HDAC9: variants seen among roughly 807,000 people sequenced by gnomAD.
HDAC9 encodes histone deacetylase 9, also known as MEF-2 interacting transcription repressor (MITR) protein.
HDAC9 carries 41 observed loss-of-function variants against 139.4 expected under a neutral mutation model. That is an observed-to-expected ratio of 0.29 (90% CI 0.23 to 0.38). The LOEUF (loss-of-function observed/expected upper bound fraction) is 0.38, where lower values mean the gene tolerates loss of function less well. Ranked by LOEUF, HDAC9 falls within the 10% of genes least tolerant of loss-of-function variation. HDAC9 has a pLI of 1.00. For missense variants in HDAC9, 1,147 were observed against 1,297.0 expected, an observed-to-expected ratio of 0.88 and a Z score of 1.78; for synonymous variants, 517 against 476.2, an observed-to-expected ratio of 1.09 and a Z score of -1.12.
At chr7:18,156,443 C>T (rs558376421) in intron 1 of HDAC9, among the ~76,000 whole-genome samples, 2 of 152,268 alleles carry the variant, frequency 1.3e-5, no homozygotes, top group East Asian at 1.9e-4. Context: ...TGATCCAAAT[C>T]CAAGGACTAT....
chr7:18,959,864 G>A (rs551858980), intron 24 of HDAC9, among the ~76,000 whole-genome samples: 1 of 152,214 alleles, frequency 6.6e-6, no homozygotes, highest in East Asian at 1.9e-4. Flanking sequence ...AAGGCAAAAT[G>A]GTGGCACAGG....
chr7:18,850,980 T>C (rs1797245944), intron 21 of HDAC9, among the ~76,000 whole-genome samples: 1 of 152,138 alleles, frequency 6.6e-6, no homozygotes, highest in Non-Finnish European at 1.5e-5. Context: ...CCTCCTAATA[T>C]CCGTCTGGGT....
chr7:18,735,890 TG>T (rs1786842959), intron 13 of HDAC9, among the ~76,000 whole-genome samples: 2 of 152,360 alleles, frequency 1.3e-5, no homozygotes, highest in South Asian at 2.1e-4. Context: ...TCCATTTGTT[TG>T]CATCCTCTCC....
intron 2 of HDAC9, among the ~76,000 whole-genome samples, chr7:18,172,177 G>A (rs1050093035): frequency 6.6e-5 from 10 of 152,142 alleles, no homozygotes; most frequent in East Asian, 1.9e-4. Flanking sequence ...TCTTGGGAGG[G>A]TGTATGTGTC....
intron 6 of HDAC9, among the ~76,000 whole-genome samples, chr7:18,613,139 T>C (rs1837635878): frequency 6.7e-6 from 1 of 149,304 alleles, no homozygotes; most frequent in Non-Finnish European, 1.5e-5. Context: ...GATATATTTA[T>C]AATAGACTGA....
intron 1 of HDAC9, among the ~76,000 whole-genome samples, chr7:18,307,627 A>ACCCT (rs1359174971): frequency 6.1e-4 from 93 of 152,178 alleles, no homozygotes; most frequent in African/African-American, 2.1e-3. Flanking sequence ...ACATGGTGAA[A>ACCCT]CCCTGCCTCT....
At chr7:18,531,877 A>T (rs1809095580) in intron 2 of HDAC9, among the ~76,000 whole-genome samples, 1 of 152,160 alleles carries the variant, frequency 6.6e-6, no homozygotes, top group Non-Finnish European at 1.5e-5. Flanking sequence ...GAACTCTTTT[A>T]TGTTTTGTCA....
At chr7:18,650,670 A>T (rs981963336) in intron 11 of HDAC9, among the ~76,000 whole-genome samples, 13 of 152,214 alleles carry the variant, frequency 8.5e-5, no homozygotes, top group Admixed American at 5.2e-4. Context: ...ACCTTTTCCC[A>T]TGTGGAGCTG....
chr7:18,103,686 A>T (rs1408144262), intron 1 of HDAC9, among the ~76,000 whole-genome samples: 2 of 152,182 alleles, frequency 1.3e-5, no homozygotes, highest in Non-Finnish European at 2.9e-5. Flanking sequence ...TGCGACCTTA[A>T]GTGAAATGAC....
intron 1 of HDAC9, among the ~76,000 whole-genome samples, chr7:18,307,087 A>C (rs1798961052): frequency 7.2e-6 from 1 of 139,572 alleles, no homozygotes; most frequent in African/African-American, 2.8e-5. Context: ...CAGCTACAGG[A>C]GGGCAGTTCT....
chr7:18,456,397 G>A (rs1793350904), intron 1 of HDAC9, among the ~76,000 whole-genome samples: 1 of 151,992 alleles, frequency 6.6e-6, no homozygotes, highest in African/African-American at 2.4e-5. Context: ...CACCATGCCT[G>A]GCTAATTTTT....
At chr7:18,548,071 C>A (rs1815766600) in intron 2 of HDAC9, among the ~76,000 whole-genome samples, 1 of 152,048 alleles carries the variant, frequency 6.6e-6, no homozygotes, top group East Asian at 1.9e-4. Context: ...TTCTCTTTCA[C>A]TTGAACACTT....
intron 12 of HDAC9, among the ~76,000 whole-genome samples, chr7:18,726,461 G>C (rs1252040945): frequency 6.6e-6 from 1 of 152,136 alleles, no homozygotes; most frequent in Admixed American, 6.5e-5. Context: ...AAGCAGAAGA[G>C]CACACACATT....
intron 21 of HDAC9, among the ~76,000 whole-genome samples, chr7:18,846,651 A>G (rs1317070057): frequency 2.0e-5 from 3 of 152,218 alleles, no homozygotes; most frequent in Admixed American, 1.3e-4. Flanking sequence ...GTATTCTCTG[A>G]CAAACTAAAT....
chr7:18,861,556 C>G (rs1798110819), intron 21 of HDAC9, among the ~76,000 whole-genome samples: 1 of 152,084 alleles, frequency 6.6e-6, no homozygotes, highest in Non-Finnish European at 1.5e-5. Context: ...ATACTATTCT[C>G]ACAGACAATG....
rs144274974 is a variant in HDAC9 at position 18,502,486 on chromosome 7, G to C, written c.22+6162G>C. 2.0e-3 allele frequency: 304 copies of C among 152,232 alleles called. 2 individuals carry two copies. The highest frequency in any genetic ancestry group is 7.1e-3 in the African/African-American group (296 of 41,534). The allele number at this position is 152,232 out of a possible 1,614,324, so 9.4% of individuals were successfully genotyped here. ...CAGTATTTGCTACAACGTGGATATT[G>C]GTGATAAGAAGTTTCTTCTTTGCAA... On this transcript the variant is annotated intron_variant, in intron 2 of 25. Transcript: ENST00000686413.
chr7:18,815,972 G>C (rs1280817328), intron 17 of HDAC9, among the ~76,000 whole-genome samples: 1 of 152,182 alleles, frequency 6.6e-6, no homozygotes, highest in Non-Finnish European at 1.5e-5. Flanking sequence ...TTTTTATAAG[G>C]TCTTTTGTAA....
intron 1 of HDAC9, among the ~76,000 whole-genome samples, chr7:18,465,269 T>G (rs1339042710): frequency 6.6e-6 from 1 of 152,062 alleles, no homozygotes; most frequent in African/African-American, 2.4e-5. Context: ...TTCTAAAGAT[T>G]CCCATTATTT....
At chr7:18,323,648 A>G (rs1230285231) in intron 1 of HDAC9, among the ~76,000 whole-genome samples, 1 of 152,196 alleles carries the variant, frequency 6.6e-6, no homozygotes. Context: ...TCAACAATGA[A>G]TAAGACCTAG....
Sources: allele counts gnomAD v4.1 joint callset (sites outside exome capture counted in the v4.1 genomes callset), GRCh38; gene constraint gnomAD v4.1.1; transcripts MANE v1.5; gene names NCBI Gene and HGNC (gene_info 2026-07-23, HGNC 2026-07-21).